Variants in FXYD4 observed in about 807,000 individuals in gnomAD.
FXYD4 encodes FXYD domain containing ion transport regulator 4.
Under a neutral mutation model 18.3 loss-of-function variants are expected in FXYD4, and 14 were observed. That is an observed-to-expected ratio of 0.77 (90% CI 0.51 to 1.20). The LOEUF (loss-of-function observed/expected upper bound fraction) is 1.20, where lower values mean the gene tolerates loss of function less well. FXYD4 is among the 50% of genes most tolerant of loss of function. FXYD4 has a pLI of 0.00. For missense variants in FXYD4, 99 were observed against 106.1 expected (o/e 0.93, Z 0.29); for synonymous variants, 40 against 40.5 (o/e 0.99, Z 0.04).
At position 43,375,412 on chromosome 10, in the gene FXYD4, T is replaced by C. The variant is rs1211667845; in HGVS notation, c.98-87T>C. The C allele has an allele frequency of 1.4e-5, 14 of 981,832 alleles. 1 individual carries two copies. The highest frequency in any genetic ancestry group is 1.1e-4 in the African/African-American group (7 of 62,886). 60.8% of individuals were successfully genotyped at this position (981,832 alleles called of 1,614,324 possible). On this transcript the variant is annotated intron_variant, in intron 5 of 8. Transcript: ENST00000476166. ...TTGTCTTTATGTATATGGCAGCGGC[T>C]GGCACAAGCAGGGGCTCAGGAGTGT...
chr10:43,375,373 C>G, intron 5 of FXYD4, 126 bp from the exon 6 acceptor site: 1 of 708,060 alleles, frequency 1.4e-6, no homozygotes, highest in Admixed American at 2.3e-5. Flanking sequence ...CAGAATGATG[C>G]CTCTGTTGCT....
At chr10:43,374,591 C>G (rs1389800693) in intron 4 of FXYD4, 22 bp from the exon 5 acceptor site, 2 of 1,613,610 alleles carry the variant, frequency 1.2e-6, no homozygotes, top group Non-Finnish European at 1.7e-6. Context: ...GTTCTGAAGT[C>G]TTTTTGCCCC....
At chr10:43,373,303 A>C (rs988827556) in intron 2 of FXYD4, among the ~76,000 whole-genome samples, 17 of 151,664 alleles carry the variant, frequency 1.1e-4, no homozygotes, top group Non-Finnish European at 1.8e-4. Flanking sequence ...AATAGCAGCC[A>C]CCTGACCCTG....
intron 7 of FXYD4, 130 bp from the exon 8 acceptor site, chr10:43,375,902 A>G: frequency 8.2e-7 from 1 of 1,215,644 alleles, no homozygotes; most frequent in Non-Finnish European, 1.2e-6. Context: ...TGACCTCGGT[A>G]TTGTGGGAAG....
intron 7 of FXYD4, 79 bp downstream of exon 7, chr10:43,375,813 A>G (rs2131949145): frequency 6.9e-7 from 1 of 1,456,494 alleles, no homozygotes; most frequent in Non-Finnish European, 9.6e-7. Context: ...AGTGGACAGC[A>G]TCCTGGCCAC....
intron 5 of FXYD4, among the ~76,000 whole-genome samples, chr10:43,374,858 C>T (rs1014242364): frequency 5.9e-5 from 9 of 151,602 alleles, no homozygotes; most frequent in Non-Finnish European, 1.3e-4. Flanking sequence ...TTAGGCACCC[C>T]GATAAATCAC....
At chr10:43,374,714 G>A in intron 5 of FXYD4, 75 bp downstream of exon 5, 1 of 1,183,104 alleles carries the variant, frequency 8.5e-7, no homozygotes, top group Non-Finnish European at 1.3e-6. Flanking sequence ...TTGGTGAGGG[G>A]TAGTGTGGAC....
intron 5 of FXYD4, among the ~76,000 whole-genome samples, chr10:43,375,225 C>T (rs1037655130): frequency 1.3e-5 from 2 of 151,916 alleles, no homozygotes; most frequent in Non-Finnish European, 2.9e-5. Context: ...TGGGGTTTCA[C>T]CATATTGGTC....
chr10:43,373,122 ACTCC>A (rs911894579), intron 2 of FXYD4, among the ~76,000 whole-genome samples: 5 of 151,292 alleles, frequency 3.3e-5, no homozygotes, highest in African/African-American at 1.2e-4. Context: ...AGGACTCAGC[ACTCC>A]CTCCCTCCTC....
intron 2 of FXYD4, among the ~76,000 whole-genome samples, chr10:43,373,021 A>G (rs1337984884): frequency 6.6e-6 from 1 of 152,120 alleles, no homozygotes. Flanking sequence ...CAGGAGGTCT[A>G]TACTCTGAGA....
At chr10:43,373,254 G>T (rs1837829655) in intron 2 of FXYD4, among the ~76,000 whole-genome samples, 1 of 152,104 alleles carries the variant, frequency 6.6e-6, no homozygotes, top group Non-Finnish European at 1.5e-5. Context: ...AATGCCCTTT[G>T]TGTGGGGTTA....
At chr10:43,374,170 C>G (rs1477946876) in intron 3 of FXYD4, among the ~76,000 whole-genome samples, 1 of 152,142 alleles carries the variant, frequency 6.6e-6, no homozygotes, top group Non-Finnish European at 1.5e-5. Flanking sequence ...TGCACTCCAG[C>G]CTGGGTGACA....
chr10:43,375,645 T>A (rs1274789419), intron 6 of FXYD4, 50 bp from the exon 7 acceptor site: 9 of 1,607,694 alleles, frequency 5.6e-6, no homozygotes, highest in Non-Finnish European at 7.7e-6. Flanking sequence ...AAAGAGAGAG[T>A]GCTCTCATTC....
chr10:43,373,089 G>A (rs1837827983), intron 2 of FXYD4, among the ~76,000 whole-genome samples: 1 of 152,064 alleles, frequency 6.6e-6, no homozygotes, highest in African/African-American at 2.4e-5. Context: ...GGGAGGTCCT[G>A]GCTGCTGCAG....
intron 6 of FXYD4, 38 bp downstream of exon 6, chr10:43,375,611 G>C: frequency 6.2e-7 from 1 of 1,608,304 alleles, no homozygotes; most frequent in Non-Finnish European, 8.5e-7. Context: ...GGACAGGGTG[G>C]GGCTGGCGGA....
At chr10:43,375,459 C>G (rs1256976221) in intron 5 of FXYD4, 40 bp from the exon 6 acceptor site, 1 of 1,491,980 alleles carries the variant, frequency 6.7e-7, no homozygotes, top group Non-Finnish European at 9.4e-7. Context: ...ATGACTGAGG[C>G]CCCAGGCTGG....
In FXYD4 at chr10:43,375,710, G is replaced by T; in HGVS notation, c.188G>T (p.Cys63Phe). ...IAAVLSGKCK[C>F]KSSQKQHSPV... ...TCTCTCCCAGGTGGCAAATGCAAAT[G>T]CAAGAGCAGCCAGAAGCAGCACAGG... The change falls in exon 7 of 9, where the codon TGC becomes TTC. Residue 63 changes from cysteine to phenylalanine, a missense_variant. Transcript: ENST00000476166. 1.9e-6 allele frequency: 3 copies of T among 1,614,168 alleles called. No individual in the cohort carries two copies. The highest frequency in any genetic ancestry group is 2.5e-6 in the Non-Finnish European group (3 of 1,180,004).
intron 2 of FXYD4, 98 bp from the exon 3 acceptor site, chr10:43,373,417 C>T (rs1364459584): frequency 2.9e-5 from 10 of 349,502 alleles, no homozygotes; most frequent in South Asian, 8.0e-5. Context: ...GTGGGTTTGT[C>T]GCATGGATTT....
At position 43,376,188 on chromosome 10, in the gene FXYD4, ATGGCCTGAAGCCTAACAC is replaced by A; in HGVS notation, c.*28_*45del. The A allele has an allele frequency of 6.2e-7, 1 of 1,612,798 alleles. No individual in the cohort carries two copies. The highest frequency in any genetic ancestry group is 8.5e-7 in the Non-Finnish European group (1 of 1,179,714). On this transcript the variant is annotated 3_prime_UTR_variant, in exon 9 of 9. Coordinates refer to ENST00000476166, the MANE Select transcript of FXYD4 (RefSeq NM_173160.3). ...CTGAGCACAGGACTGGCCTCCAGGGATGGCCTGAAGCCTAACACTGGCCCCCAGCACCTCCTCCCCTGG... is the reference window on the plus strand; with the variant it reads ...CTGAGCACAGGACTGGCCTCCAGGGATGGCCCCCAGCACCTCCTCCCCTGG...
Sources: gnomAD v4.1 joint callset for allele counts (sites outside exome capture counted in the v4.1 genomes callset) on GRCh38, gnomAD v4.1.1 for gene constraint, MANE v1.5 for transcripts, NCBI Gene and HGNC (gene_info 2026-07-23, HGNC 2026-07-21) for gene names.